PSMB7: variants seen among roughly 807,000 people sequenced by gnomAD.
PSMB7 encodes the protein proteasome subunit beta type-7.
A neutral mutation model predicts 28.1 loss-of-function variants in PSMB7; 5 were observed. The observed-to-expected ratio is 0.18, with a 90% CI of 0.09 to 0.37. The LOEUF (loss-of-function observed/expected upper bound fraction) is 0.37. Among genes scored for constraint, PSMB7 ranks in the 10% least tolerant of loss-of-function variants. The pLI, the probability that PSMB7 is intolerant of heterozygous loss-of-function variation, is 1.00. For synonymous variants in PSMB7, 122 were observed against 123.7 expected (o/e 0.99, Z 0.09); for missense variants, 275 against 346.2 (o/e 0.79, Z 1.63).
intron 6 of PSMB7, among the ~76,000 whole-genome samples, chr9:124,358,120 C>T (rs879424948): frequency 6.6e-6 from 1 of 152,194 alleles, no homozygotes; most frequent in African/African-American, 2.4e-5. Flanking sequence ...TGCACTCCAG[C>T]GCTCACCCAA....
At chr9:124,372,470 T>C (rs1830572635) in intron 6 of PSMB7, among the ~76,000 whole-genome samples, 1 of 152,250 alleles carries the variant, frequency 6.6e-6, no homozygotes, top group South Asian at 2.1e-4. Context: ...ATATAGTCAC[T>C]TTCCTAAGAT....
chr9:124,386,685 C>A (rs1277876229), intron 5 of PSMB7, among the ~76,000 whole-genome samples: 3 of 152,120 alleles, frequency 2.0e-5, no homozygotes, highest in Non-Finnish European at 2.9e-5. Flanking sequence ...AGGGAGAAGA[C>A]AGGTATTTAG....
chr9:124,377,935 T>C (rs1273876133), intron 6 of PSMB7, among the ~76,000 whole-genome samples: 1 of 152,260 alleles, frequency 6.6e-6, no homozygotes, highest in Non-Finnish European at 1.5e-5. Context: ...AAGATCCTGC[T>C]GGTGTTAGCA....
At chr9:124,371,296 G>A (rs1385758988) in intron 6 of PSMB7, among the ~76,000 whole-genome samples, 3 of 152,166 alleles carry the variant, frequency 2.0e-5, no homozygotes, top group Non-Finnish European at 2.9e-5. Context: ...AGTAACACTC[G>A]GTCCTATATT....
At chr9:124,410,226 C>T (rs1831015420) in intron 4 of PSMB7, among the ~76,000 whole-genome samples, 2 of 152,172 alleles carry the variant, frequency 1.3e-5, no homozygotes, top group South Asian at 2.1e-4. Context: ...AATCTCCTGA[C>T]CTTGTGATCT....
chr9:124,385,264 GT>G (rs1320129909), intron 5 of PSMB7, among the ~76,000 whole-genome samples: 1 of 152,202 alleles, frequency 6.6e-6, no homozygotes, highest in East Asian at 1.9e-4. Flanking sequence ...ACTTTGAAGA[GT>G]AACAGCTGAA....
chr9:124,405,464 C>A, intron 4 of PSMB7, 32 bp from the exon 5 acceptor site: 1 of 1,424,136 alleles, frequency 7.0e-7, no homozygotes, highest in Non-Finnish European at 9.9e-7. Context: ...AGAAAAAAAA[C>A]ATGAGTCCAC....
At chr9:124,403,170 A>G (rs1830929394) in intron 5 of PSMB7, among the ~76,000 whole-genome samples, 1 of 152,108 alleles carries the variant, frequency 6.6e-6, no homozygotes, top group South Asian at 2.1e-4. Flanking sequence ...CAGAAGCAAT[A>G]ATGTAAATGT....
At chr9:124,404,028 A>T (rs1830938591) in intron 5 of PSMB7, among the ~76,000 whole-genome samples, 1 of 151,924 alleles carries the variant, frequency 6.6e-6, no homozygotes, top group African/African-American at 2.4e-5. Context: ...AGCAACTGGG[A>T]CTACAGGCAC....
chr9:124,370,696 CAATT>C (rs759491723), intron 6 of PSMB7, among the ~76,000 whole-genome samples: 1 of 152,180 alleles, frequency 6.6e-6, no homozygotes, highest in African/African-American at 2.4e-5. Flanking sequence ...TGAAAGCTGA[CAATT>C]AACTCAGTGA....
At chr9:124,404,179 G>A (rs141508572) in intron 5 of PSMB7, among the ~76,000 whole-genome samples, 29 of 152,116 alleles carry the variant, frequency 1.9e-4, no homozygotes, top group East Asian at 1.9e-4. Context: ...ATGAGCCACC[G>A]TGCCTGGCCC....
Position 124,402,985 on chromosome 9 carries a change from T to C in PSMB7, c.511+2332A>G, listed in dbSNP as rs544126958. Among the ~76,000 whole-genome samples, 4 of 152,276 alleles carry C rather than the reference T, an allele frequency of 2.6e-5. No individual in the cohort carries two copies. The South Asian group carries it at 6.2e-4, about 24-fold the overall frequency. On this transcript the variant is annotated intron_variant, in intron 5 of 7. Coordinates refer to ENST00000259457, the MANE Select transcript of PSMB7 (RefSeq NM_002799.4). ...TGTAAGAGGCTAGATAACAACACAA[T>C]GGCATAGCAAAGTCTCAAACTGGCA...
chr9:124,357,198 T>C (rs1480956080), intron 6 of PSMB7, among the ~76,000 whole-genome samples: 1 of 152,180 alleles, frequency 6.6e-6, no homozygotes, highest in African/African-American at 2.4e-5. Flanking sequence ...TAGTAACTTA[T>C]CTTTAAAAGG....
chr9:124,404,951 AAAAAT>A (rs1830948113), intron 5 of PSMB7, among the ~76,000 whole-genome samples: 4 of 152,168 alleles, frequency 2.6e-5, no homozygotes, highest in Admixed American at 2.0e-4. Context: ...TTCAGACTAT[AAAAAT>A]ATATTCATAA....
intron 6 of PSMB7, among the ~76,000 whole-genome samples, chr9:124,379,021 G>C (rs1830639018): frequency 1.3e-5 from 2 of 152,184 alleles, no homozygotes; most frequent in African/African-American, 2.4e-5. Context: ...GGAATGCTCT[G>C]AGCAATTCAT....
chr9:124,402,854 C>T (rs1019285131), intron 5 of PSMB7, among the ~76,000 whole-genome samples: 5 of 152,092 alleles, frequency 3.3e-5, no homozygotes, highest in African/African-American at 1.2e-4. Flanking sequence ...TCTAAAATTA[C>T]CATAAGTATC....
chr9:124,371,448 C>T (rs1312581902), intron 6 of PSMB7, among the ~76,000 whole-genome samples: 2 of 152,174 alleles, frequency 1.3e-5, no homozygotes, highest in Non-Finnish European at 2.9e-5. Context: ...CTGGTTTCCT[C>T]CTCTCCCCCT....
At position 124,356,771 on chromosome 9, in the gene PSMB7, C is replaced by T. The variant is rs1459488667; in HGVS notation, c.715G>A (p.Gly239Arg). 6.2e-7 allele frequency: 1 copy of T among 1,612,726 alleles called. No homozygotes were observed. Among genetic ancestry groups the T allele is most frequent in the South Asian group, 1.1e-5 (1 of 90,948 alleles). Reference protein sequence around the residue: ...LRPYTVPNKKGTRLGRYRCEK... With the variant: ...LRPYTVPNKKRTRLGRYRCEK... ...TTCGTCTCCTTCACTCACCTGGTCC[C>T]CTTCTTGTTGGGCACTGTGTATGGG... Residue 239 changes from glycine (G) to arginine (R), a missense_variant, in exon 7 of 8, where the codon GGG (glycine) becomes AGG (arginine). By Grantham distance (125) the Gly-to-Arg change is moderately radical. Coordinates refer to ENST00000259457, the MANE Select transcript of PSMB7 (RefSeq NM_002799.4). This position sits in a 1 kb window ranked among gnomAD's most constrained non-coding sequence, Gnocchi z 4.4.
At chr9:124,364,527 A>G (rs1453613068) in intron 6 of PSMB7, among the ~76,000 whole-genome samples, 23 of 61,294 alleles carry the variant, frequency 3.8e-4, no homozygotes, top group East Asian at 1.7e-3. Context: ...AATCAGAGAA[A>G]AAAAAAAAAA....
Sources: gnomAD v4.1 joint callset for allele counts (sites outside exome capture counted in the v4.1 genomes callset) on GRCh38, gnomAD v4.1.1 for gene constraint, Gnocchi (gnomAD v3.1) non-coding constraint, MANE v1.5 for transcripts, NCBI Gene and HGNC (gene_info 2026-07-23, HGNC 2026-07-21) for gene names.